The following CMKLR1 variants were observed in gnomAD, a reference collection of about 807,000 sequenced individuals.
CMKLR1 encodes the protein chemerin chemokine-like receptor 1, also known as chemerin-like receptor 1.
Under a neutral mutation model 8.2 loss-of-function variants are expected in CMKLR1, and 6 were observed. The ratio of observed to expected loss-of-function variants is 0.73; its 90% CI spans 0.40 to 1.44. The LOEUF is 1.44. Ranked by LOEUF, CMKLR1 falls within the 40% of genes most tolerant of loss-of-function variation. The probability of loss-of-function intolerance (pLI) is 0.02; values close to 1 mark genes in which losing one functional copy is unlikely to be tolerated. For synonymous variants in CMKLR1, 178 were observed against 181.2 expected (o/e 0.98, Z 0.14); for missense variants, 429 against 478.0 (o/e 0.90, Z 0.96).
At chr12:108,328,584 T>C (rs1414113809) in intron 2 of CMKLR1, among the ~76,000 whole-genome samples, 1 of 152,194 alleles carries the variant, frequency 6.6e-6, no homozygotes, top group Non-Finnish European at 1.5e-5. Context: ...ATCCACCCGG[T>C]GGCCATCCCT....
chr12:108,333,728 A>G (rs1295388837), intron 1 of CMKLR1, among the ~76,000 whole-genome samples: 1 of 152,196 alleles, frequency 6.6e-6, no homozygotes. Flanking sequence ...TCATCACCAC[A>G]GTGTGCTACC....
chr12:108,324,672 A>T (rs1427090290), intron 2 of CMKLR1, among the ~76,000 whole-genome samples: 2 of 152,212 alleles, frequency 1.3e-5, no homozygotes, highest in Non-Finnish European at 2.9e-5. Context: ...AAATAATTGT[A>T]TGCAGTTTAA....
rs546353700 is a variant in CMKLR1, at chr12:108,315,924, A to T, written c.-74+14071T>A. On this transcript the variant is annotated intron_variant, in intron 2 of 3. Coordinates refer to ENST00000550402, the MANE Select transcript of CMKLR1 (RefSeq NM_001142343.2). ...CTGAGCCTTGATTTATCTCATTGGT[A>T]AAATGAAGATGAATCTTGCTGCTTA... is the stretch of plus-strand genomic sequence containing the variant. Among the ~76,000 whole-genome samples the T allele has an allele frequency of 2.0e-5, 3 of 152,230 alleles. No homozygotes were observed. In the South Asian group the frequency reaches 6.2e-4, roughly 32 times the overall value.
chr12:108,297,521 T>C (rs1201709900), intron 2 of CMKLR1, among the ~76,000 whole-genome samples: 1 of 152,162 alleles, frequency 6.6e-6, no homozygotes, highest in Non-Finnish European at 1.5e-5. Context: ...TGTACATACA[T>C]ATAGTTAACG....
intron 2 of CMKLR1, among the ~76,000 whole-genome samples, chr12:108,308,198 C>G (rs879740787): frequency 6.6e-6 from 1 of 152,156 alleles, no homozygotes; most frequent in Non-Finnish European, 1.5e-5. Flanking sequence ...GCCTCAGGAG[C>G]CTCATCTGTA....
intron 2 of CMKLR1, among the ~76,000 whole-genome samples, chr12:108,320,375 G>A (rs565597410): frequency 2.2e-4 from 33 of 152,164 alleles, no homozygotes; most frequent in Admixed American, 1.7e-3. Flanking sequence ...GGAGGTATGC[G>A]CCAGGTAAGG....
chr12:108,322,477 C>T (rs968726499), intron 2 of CMKLR1, among the ~76,000 whole-genome samples: 1 of 152,144 alleles, frequency 6.6e-6, no homozygotes, highest in African/African-American at 2.4e-5. Flanking sequence ...TGCTTTTGTG[C>T]CTCTGCAGTT....
chr12:108,316,968 A>AT (rs35820862), intron 2 of CMKLR1, among the ~76,000 whole-genome samples: 32,987 of 151,686 alleles, frequency 0.22, 3,841 homozygotes, highest in Middle Eastern at 0.3. Context: ...CACCCCACTA[A>AT]TTTTTTTTGT....
chr12:108,318,830 T>G (rs1406571993), intron 2 of CMKLR1, among the ~76,000 whole-genome samples: 1 of 152,222 alleles, frequency 6.6e-6, no homozygotes, highest in Non-Finnish European at 1.5e-5. Context: ...AAGTTGAAGC[T>G]GCTTTTTATT....
Position 108,292,847 on chromosome 12 carries a change from G to A in CMKLR1, c.116C>T (p.Thr39Ile), listed in dbSNP as rs1891032089. 6.2e-7 allele frequency: 1 copy of A among 1,614,020 alleles called. No homozygotes were observed. Among genetic ancestry groups the A allele is most frequent in the Non-Finnish European group, 8.5e-7 (1 of 1,180,034 alleles). ...EDLSPLEARV[T>I]RIFLVVVYSI... ...GTAGACCACCACCAGGAAGATCCTG[G>A]TCACCCTGGCTTCCAAGGGGGATAA... Residue 39 changes from threonine to isoleucine, a missense_variant, in exon 4 of 4, where the codon ACC (threonine) becomes ATC (isoleucine). Transcript: ENST00000550402.
chr12:108,307,366 GC>G (rs145377326), intron 2 of CMKLR1, among the ~76,000 whole-genome samples: 17,748 of 152,146 alleles, frequency 0.12, 1,197 homozygotes, highest in South Asian at 0.15. Flanking sequence ...GCCTCCAGAA[GC>G]GCCCCCTGAG....
At chr12:108,302,618 C>T (rs1239415919) in intron 2 of CMKLR1, among the ~76,000 whole-genome samples, 1 of 152,128 alleles carries the variant, frequency 6.6e-6, no homozygotes, top group Non-Finnish European at 1.5e-5. Context: ...TGCATGCCTC[C>T]GCCCTGTCCT....
intron 2 of CMKLR1, among the ~76,000 whole-genome samples, chr12:108,307,449 G>C (rs956697632): frequency 2.0e-5 from 3 of 152,176 alleles, no homozygotes; most frequent in Non-Finnish European, 4.4e-5. Context: ...CTGGCACCCT[G>C]AGATACCTGA....
At chr12:108,331,713 A>G (rs1892112160) in intron 1 of CMKLR1, among the ~76,000 whole-genome samples, 1 of 152,202 alleles carries the variant, frequency 6.6e-6, no homozygotes, top group South Asian at 2.1e-4. Flanking sequence ...AGGAGAGTCA[A>G]AGTGATTTGA....
rs1890937217 is a variant in CMKLR1, at chr12:108,290,606, C to T, written c.*1235G>A. 6.6e-6 allele frequency: 1 copy of T among 152,160 alleles called. No individual in the cohort carries two copies. Among genetic ancestry groups the T allele is most frequent in the Non-Finnish European group, 1.5e-5 (1 of 68,036 alleles). The allele number at this position is 152,160 out of a possible 1,614,324, so 9.4% of individuals were successfully genotyped here. On this transcript the variant is annotated 3_prime_UTR_variant, in exon 4 of 4. Transcript: ENST00000550402. ...GTGATGCTGGGCAAGTTACTTTCCC[C>T]ATCTGGGCCTCAGCTATGTCATTTG...
intron 2 of CMKLR1, among the ~76,000 whole-genome samples, chr12:108,307,692 C>T (rs1891444412): frequency 6.6e-6 from 1 of 152,222 alleles, no homozygotes; most frequent in African/African-American, 2.4e-5. Flanking sequence ...CCTACATCCT[C>T]TGCAAGAGGC....
At chr12:108,333,092 T>G (rs1340019334) in intron 1 of CMKLR1, among the ~76,000 whole-genome samples, 3 of 152,196 alleles carry the variant, frequency 2.0e-5, no homozygotes, top group African/African-American at 7.2e-5. Flanking sequence ...ACTTCCTGTT[T>G]CTCTGACCCC....
chr12:108,334,932 T>C (rs779607512), intron 1 of CMKLR1, among the ~76,000 whole-genome samples: 2 of 152,202 alleles, frequency 1.3e-5, no homozygotes, highest in Non-Finnish European at 2.9e-5. Context: ...TTATTTCCTT[T>C]TTCCAGGGGG....
At chr12:108,332,802 A>T (rs1339224213) in intron 1 of CMKLR1, among the ~76,000 whole-genome samples, 1 of 152,110 alleles carries the variant, frequency 6.6e-6, no homozygotes, top group African/African-American at 2.4e-5. Flanking sequence ...CCTGACTAAT[A>T]CATCCTGTCT....
Sources: gnomAD v4.1 joint callset for allele counts (sites outside exome capture counted in the v4.1 genomes callset) on GRCh38, gnomAD v4.1.1 for gene constraint, MANE v1.5 for transcripts, NCBI Gene and HGNC (gene_info 2026-07-23, HGNC 2026-07-21) for gene names.